The following KANK1 variants were observed in gnomAD, a reference collection of about 807,000 sequenced individuals.
KANK1 encodes KN motif and ankyrin repeat domains 1, also known as KN motif and ankyrin repeat domain-containing protein 1.
In KANK1, 109 loss-of-function variants were observed where a neutral mutation model predicts 106.2. The ratio of observed to expected loss-of-function variants is 1.03; its 90% CI spans 0.88 to 1.20. KANK1 has a LOEUF of 1.20. KANK1 is among the 50% of genes most tolerant of loss of function. The pLI, the probability that KANK1 is intolerant of heterozygous loss-of-function variation, is 0.00. For missense variants in KANK1, 2,399 were observed against 1,710.7 expected, an observed-to-expected ratio of 1.40 and a Z score of -7.10; for synonymous variants, 873 against 652.2, an observed-to-expected ratio of 1.34 and a Z score of -5.16.
In KANK1 at chr9:644,423, A is replaced by G. The variant is rs976983881; in HGVS notation, c.-83-32467A>G. ...GGCAATTTATAAAGAAAAGGGGTTT[A>G]ATTGGCTCAGGGTTCCGCAGGCCAG... On this transcript the variant is annotated intron_variant, in intron 1 of 11. Coordinates refer to ENST00000382297, the MANE Select transcript of KANK1 (RefSeq NM_015158.5). 4.0e-5 allele frequency among the ~76,000 whole-genome samples: 6 copies of G among 150,972 alleles called. No homozygotes were observed. In the South Asian group the frequency reaches 1.2e-3, roughly 31 times the overall value.
intron 2 of KANK1, among the ~76,000 whole-genome samples, chr9:707,487 G>C (rs1159504547): frequency 6.6e-6 from 1 of 151,282 alleles, no homozygotes; most frequent in Non-Finnish European, 1.5e-5. Context: ...CAGTCCTGGA[G>C]ACAGGTCTGG....
In KANK1 at chr9:627,687, A is replaced by T. The variant is rs1156543299; in HGVS notation, c.-83-49203A>T. Among the ~76,000 whole-genome samples the T allele has an allele frequency of 2.0e-5, 3 of 152,162 alleles. No individual in the cohort carries two copies. In the East Asian group the frequency reaches 5.8e-4, roughly 29 times the overall value. On this transcript the variant is annotated intron_variant, in intron 1 of 11. Transcript: ENST00000382297. ...ATTCCAGCTCGTATCTTGGTTTTGCAGGTATGAGTTTCAGGGGGACCAGAG... is the reference window on the plus strand; with the variant it reads ...ATTCCAGCTCGTATCTTGGTTTTGCTGGTATGAGTTTCAGGGGGACCAGAG...
intron 3 of KANK1, among the ~76,000 whole-genome samples, chr9:481,960 T>A (rs191340337): frequency 4.8e-4 from 73 of 152,316 alleles, no homozygotes; most frequent in African/African-American, 1.7e-3. Context: ...AGGGTCATGC[T>A]TGGATCCTTC....
chr9:683,657 A>T (rs936079827), intron 2 of KANK1, among the ~76,000 whole-genome samples: 1 of 152,222 alleles, frequency 6.6e-6, no homozygotes, highest in Non-Finnish European at 1.5e-5. Flanking sequence ...ATAAAACCCT[A>T]AAGTACAGTG....
At chr9:654,535 A>G (rs553800888) in intron 1 of KANK1, among the ~76,000 whole-genome samples, 12 of 151,792 alleles carry the variant, frequency 7.9e-5, no homozygotes, top group Non-Finnish European at 1.5e-4. Flanking sequence ...TTTTTTTCAA[A>G]CACTAACTCA....
chr9:601,836 T>C (rs1345476451), intron 1 of KANK1, among the ~76,000 whole-genome samples: 1 of 151,882 alleles, frequency 6.6e-6, no homozygotes, highest in African/African-American at 2.4e-5. Context: ...GCCCTACTTT[T>C]GGAATCAGTC....
At chr9:704,990 C>G (rs1200341299) in intron 2 of KANK1, among the ~76,000 whole-genome samples, 1 of 47,072 alleles carries the variant, frequency 2.1e-5, no homozygotes, top group Non-Finnish European at 3.5e-5. Flanking sequence ...CGGACCCTGT[C>G]TCAAAAAAAA....
At chr9:558,788 G>A (rs1485577019) in intron 1 of KANK1, 1 of 152,056 alleles carries the variant, frequency 6.6e-6, no homozygotes, top group East Asian at 1.9e-4. Context: ...GGCTTCAGCT[G>A]GGTACATGTA....
chr9:606,193 T>C (rs1017569443), intron 1 of KANK1, among the ~76,000 whole-genome samples: 24 of 150,142 alleles, frequency 1.6e-4, no homozygotes, highest in Admixed American at 1.3e-3. Context: ...CACTCACACA[T>C]ATATACGTAC....
chr9:472,399 T>C (rs2058037842), intron 2 of KANK1, among the ~76,000 whole-genome samples: 1 of 152,264 alleles, frequency 6.6e-6, no homozygotes, highest in South Asian at 2.1e-4. Context: ...GTGAGGTCAC[T>C]TGGGGAGGTG....
chr9:642,847 T>C (rs1288674657), intron 1 of KANK1, among the ~76,000 whole-genome samples: 1 of 150,234 alleles, frequency 6.7e-6, no homozygotes, highest in Non-Finnish European at 1.5e-5. Context: ...GAGTTTTATT[T>C]TTAGGCCTCT....
intron 2 of KANK1, among the ~76,000 whole-genome samples, chr9:677,950 G>T (rs1018529847): frequency 1.2e-4 from 19 of 152,308 alleles, no homozygotes; most frequent in Non-Finnish European, 2.6e-4. Flanking sequence ...TTTAGGACCA[G>T]TGAGCGCACC....
At chr9:657,847 A>G (rs1009615578) in intron 1 of KANK1, among the ~76,000 whole-genome samples, 7 of 151,728 alleles carry the variant, frequency 4.6e-5, no homozygotes, top group Admixed American at 6.6e-5. Context: ...AAATATGGGA[A>G]ATTTCCATTT....
chr9:722,449 A>G lies in KANK1; in HGVS notation c.2699-7602A>G, dbSNP rs570438600. Among the ~76,000 whole-genome samples the G allele has an allele frequency of 2.6e-5, 4 of 152,222 alleles. No homozygotes were observed. In the South Asian group the frequency reaches 8.3e-4, roughly 32 times the overall value. ...ATTCAGGTGATTCTAAAGGGTAGCT[A>G]GGGTTGAAACGACTGAATTTTGTTT... On this transcript the variant is annotated intron_variant, in intron 3 of 11. Transcript: ENST00000382297.
chr9:664,040 C>T (rs936321191), intron 1 of KANK1, among the ~76,000 whole-genome samples: 1 of 151,974 alleles, frequency 6.6e-6, no homozygotes, highest in South Asian at 2.1e-4. Flanking sequence ...GGGAGGGACT[C>T]GATGGGAGGT....
chr9:687,259 T>C (rs1818795729), intron 2 of KANK1, among the ~76,000 whole-genome samples: 1 of 152,138 alleles, frequency 6.6e-6, no homozygotes, highest in Non-Finnish European at 1.5e-5. Flanking sequence ...CTTCTTTGCC[T>C]TTTTCTCCCT....
At chr9:505,716 C>G (rs1006127036) in intron 1 of KANK1, among the ~76,000 whole-genome samples, 1 of 152,234 alleles carries the variant, frequency 6.6e-6, no homozygotes, top group Non-Finnish European at 1.5e-5. Flanking sequence ...CGCACGTGGC[C>G]TCTGCGGAGG....
chr9:692,722 A>G (rs1820277279), intron 2 of KANK1, among the ~76,000 whole-genome samples: 1 of 152,104 alleles, frequency 6.6e-6, no homozygotes, highest in South Asian at 2.1e-4. Flanking sequence ...TTGAAAAAAA[A>G]AAAAATTCTG....
chr9:547,118 T>C (rs1025953933), intron 1 of KANK1, among the ~76,000 whole-genome samples: 8 of 152,226 alleles, frequency 5.3e-5, no homozygotes, highest in Non-Finnish European at 8.8e-5. Context: ...GTTGGTGTTC[T>C]TTTTCAGCCT....
Sources: allele counts gnomAD v4.1 joint callset (sites outside exome capture counted in the v4.1 genomes callset), GRCh38; gene constraint gnomAD v4.1.1; transcripts MANE v1.5; gene names NCBI Gene and HGNC (gene_info 2026-07-23, HGNC 2026-07-21).